SNX18: variants seen among roughly 807,000 people sequenced by gnomAD.
SNX18 encodes sorting nexin 18.
Under a neutral mutation model 48.7 loss-of-function variants are expected in SNX18, and 35 were observed. The observed-to-expected ratio is 0.72, with a 90% CI of 0.55 to 0.95. SNX18 has a LOEUF of 0.95. Ranked by LOEUF, SNX18 falls within the 40% of genes least tolerant of loss-of-function variation. SNX18 has a pLI of 0.00. For synonymous variants in SNX18, 492 were observed against 384.7 expected (o/e 1.28, Z -3.26); for missense variants, 824 against 871.0 (o/e 0.95, Z 0.68).
At chr5:54,633,154 G>A in the SNX18 span, among the ~76,000 whole-genome samples, 1 of 152,188 alleles carries the variant, frequency 6.6e-6, no homozygotes, top group Admixed American at 6.5e-5. Context: ...CGACCTGCCT[G>A]GTGAACGTGA....
At chr5:54,632,514 C>T in the SNX18 span, among the ~76,000 whole-genome samples, 4 of 152,172 alleles carry the variant, frequency 2.6e-5, no homozygotes, top group African/African-American at 4.8e-5. Context: ...CCAGCACACA[C>T]GCAGGCTGAG....
At chr5:54,586,733 C>T in the SNX18 span, among the ~76,000 whole-genome samples, 1 of 152,304 alleles carries the variant, frequency 6.6e-6, no homozygotes, top group South Asian at 2.1e-4. Flanking sequence ...TGAATTTCAA[C>T]ATGAGTTTTA....
chr5:54,604,154 T>C, the SNX18 span, among the ~76,000 whole-genome samples: 1 of 152,210 alleles, frequency 6.6e-6, no homozygotes, highest in South Asian at 2.1e-4. Flanking sequence ...ATGCTGACAG[T>C]ATGATGGCTT....
chr5:54,551,554 C>T (rs928890354), downstream of SNX18, among the ~76,000 whole-genome samples: 6 of 152,216 alleles, frequency 3.9e-5, no homozygotes, highest in African/African-American at 1.4e-4. Flanking sequence ...AGGAATGATA[C>T]TGCCGTTACG....
chr5:54,619,248 C>T, the SNX18 span, among the ~76,000 whole-genome samples: 1 of 152,236 alleles, frequency 6.6e-6, no homozygotes, highest in East Asian at 1.9e-4. Context: ...CAGTGGCTCA[C>T]GCCTATAATC....
chr5:54,571,361 A>G, the SNX18 span, among the ~76,000 whole-genome samples: 1 of 152,174 alleles, frequency 6.6e-6, no homozygotes, highest in Non-Finnish European at 1.5e-5. Context: ...TCTTCTAAAA[A>G]AGTCCCCGTA....
the SNX18 span, among the ~76,000 whole-genome samples, chr5:54,604,481 A>G: frequency 6.6e-6 from 1 of 152,244 alleles, no homozygotes. Flanking sequence ...ATAAACCGTG[A>G]CAACATTATG....
chr5:54,537,295 T>G (rs1762376240), intron 1 of SNX18, among the ~76,000 whole-genome samples: 1 of 152,238 alleles, frequency 6.6e-6, no homozygotes, highest in South Asian at 2.1e-4. Context: ...ACTTAATTGT[T>G]AGGTTTTTTA....
the SNX18 span, among the ~76,000 whole-genome samples, chr5:54,647,923 G>A: frequency 3.3e-5 from 5 of 152,044 alleles, no homozygotes; most frequent in East Asian, 9.7e-4. Context: ...AAGGGTGAAT[G>A]GTTCCCAGTT....
At chr5:54,582,942 T>C in the SNX18 span, among the ~76,000 whole-genome samples, 1 of 152,188 alleles carries the variant, frequency 6.6e-6, no homozygotes, top group Non-Finnish European at 1.5e-5. Flanking sequence ...TTGGTTTAGG[T>C]TGCTTATTCT....
chr5:54,635,636 G>C, the SNX18 span, among the ~76,000 whole-genome samples: 1 of 152,152 alleles, frequency 6.6e-6, no homozygotes. Flanking sequence ...CTATGGGCTG[G>C]AGGTAGCATA....
At chr5:54,593,352 G>A in the SNX18 span, among the ~76,000 whole-genome samples, 2 of 152,180 alleles carry the variant, frequency 1.3e-5, no homozygotes, top group African/African-American at 4.8e-5. Context: ...CTGGAGATTG[G>A]AGTGGGGAGA....
chr5:54,578,537 A>G, the SNX18 span, among the ~76,000 whole-genome samples: 1 of 152,208 alleles, frequency 6.6e-6, no homozygotes, highest in Admixed American at 6.5e-5. Flanking sequence ...CAGTTAATTA[A>G]AGGTCATGAA....
At chr5:54,549,330 A>G (rs970813170), downstream of SNX18, among the ~76,000 whole-genome samples, 6 of 152,332 alleles carry the variant, frequency 3.9e-5, no homozygotes, top group Middle Eastern at 6.8e-3. Flanking sequence ...CTTGGGTCCC[A>G]GGTAGGCAGA....
At position 54,518,975 on chromosome 5, in the gene SNX18, C is replaced by T. The variant is rs937259464; in HGVS notation, c.1023C>T (p.Thr341=). The T allele has an allele frequency of 9.9e-6, 16 of 1,613,458 alleles. No individual in the cohort carries two copies. Among genetic ancestry groups the T allele is most frequent in the Admixed American group, 1.7e-5 (1 of 59,998 alleles). Residue 341 remains threonine (T), a synonymous_variant, in exon 1 of 2, where the codon ACC becomes ACT. Coordinates refer to ENST00000381410, the MANE Select transcript of SNX18 (RefSeq NM_001102575.2). ...SVPHLPEKQA[T]GRFEEDFISK... ...CCCACCTGCCCGAGAAGCAGGCCAC[C>T]GGCCGCTTCGAGGAGGACTTCATCT... is the stretch of plus-strand genomic sequence containing the variant.
At chr5:54,533,657 ATTACTT>A (rs770636302) in intron 1 of SNX18, among the ~76,000 whole-genome samples, 90 of 152,182 alleles carry the variant, frequency 5.9e-4, no homozygotes, top group Admixed American at 1.9e-3. Flanking sequence ...GGTGGCAATG[ATTACTT>A]TTATTTCACG....
the SNX18 span, among the ~76,000 whole-genome samples, chr5:54,555,113 G>A: frequency 2.0e-3 from 311 of 152,280 alleles, 1 homozygote; most frequent in Admixed American, 5.2e-3. Context: ...AGCCTTCCAA[G>A]TCTTCTTTGT....
chr5:54,639,083 C>T, the SNX18 span, among the ~76,000 whole-genome samples: 2 of 152,162 alleles, frequency 1.3e-5, no homozygotes. Flanking sequence ...ATATTGAAAA[C>T]TTCATTAGAA....
At chr5:54,537,339 C>T (rs774956131) in intron 1 of SNX18, among the ~76,000 whole-genome samples, 4 of 152,118 alleles carry the variant, frequency 2.6e-5, no homozygotes, top group Non-Finnish European at 2.9e-5. Flanking sequence ...TATTGTCAGC[C>T]GCTTTTTAAA....
Sources: allele counts gnomAD v4.1 joint callset (sites outside exome capture counted in the v4.1 genomes callset), GRCh38; gene constraint gnomAD v4.1.1; transcripts MANE v1.5; gene names NCBI Gene and HGNC (gene_info 2026-07-23, HGNC 2026-07-21).